The following PLPP4 variants were observed in gnomAD, a reference collection of about 807,000 sequenced individuals.
PLPP4 encodes the protein diacylglycerol pyrophosphate like 2.
PLPP4 carries 20 observed loss-of-function variants against 32.2 expected under a neutral mutation model. That is an observed-to-expected ratio of 0.62 (90% CI 0.44 to 0.90). The LOEUF (loss-of-function observed/expected upper bound fraction) is 0.90, where lower values mean the gene tolerates loss of function less well. Among genes scored for constraint, PLPP4 ranks in the 40% least tolerant of loss-of-function variants. The probability of loss-of-function intolerance (pLI) is 0.00; values close to 1 mark genes in which losing one functional copy is unlikely to be tolerated. For missense variants in PLPP4, 257 were observed against 353.1 expected, an observed-to-expected ratio of 0.73 and a Z score of 2.18; for synonymous variants, 127 against 133.0, an observed-to-expected ratio of 0.95 and a Z score of 0.31.
chr10:120,514,243 T>C (rs980123853), intron 3 of PLPP4, among the ~76,000 whole-genome samples: 16 of 152,228 alleles, frequency 1.1e-4, no homozygotes, highest in Non-Finnish European at 2.1e-4. Flanking sequence ...CGTAACACCC[T>C]GTACACACCA....
intron 5 of PLPP4, among the ~76,000 whole-genome samples, chr10:120,574,168 A>ACACACACTCTCT (rs1849090021): frequency 6.4e-5 from 3 of 47,118 alleles, no homozygotes; most frequent in African/African-American, 1.7e-4. Flanking sequence ...ACACACACAC[A>ACACACACTCTCT]CTCTCTCTCT....
intron 5 of PLPP4, among the ~76,000 whole-genome samples, chr10:120,558,774 T>TA (rs1430396587): frequency 2.0e-5 from 3 of 151,188 alleles, no homozygotes; most frequent in Admixed American, 6.6e-5. Context: ...TACCTCAATT[T>TA]AAAAAAAATC....
At chr10:120,495,033 G>T (rs1455254522) in intron 1 of PLPP4, among the ~76,000 whole-genome samples, 1 of 152,160 alleles carries the variant, frequency 6.6e-6, no homozygotes, top group African/African-American at 2.4e-5. Flanking sequence ...TGGCTGTGTT[G>T]CTTGACTTCC....
At chr10:120,545,414 G>A (rs1378266752) in intron 5 of PLPP4, among the ~76,000 whole-genome samples, 1 of 152,162 alleles carries the variant, frequency 6.6e-6, no homozygotes, top group Non-Finnish European at 1.5e-5. Flanking sequence ...CTTTACTCAT[G>A]GACATTCTTT....
At chr10:120,561,729 T>C (rs1315893636) in intron 5 of PLPP4, among the ~76,000 whole-genome samples, 1 of 152,180 alleles carries the variant, frequency 6.6e-6, no homozygotes, top group Non-Finnish European at 1.5e-5. Flanking sequence ...ACTATCTCAA[T>C]ATGTTCTTCC....
At chr10:120,538,346 A>G (rs1452086807) in intron 5 of PLPP4, among the ~76,000 whole-genome samples, 1 of 151,706 alleles carries the variant, frequency 6.6e-6, no homozygotes, top group Admixed American at 6.6e-5. Flanking sequence ...AATGAAACAG[A>G]TCATTCTATA....
At chr10:120,518,259 C>G (rs1846012431) in intron 3 of PLPP4, among the ~76,000 whole-genome samples, 1 of 152,100 alleles carries the variant, frequency 6.6e-6, no homozygotes, top group Non-Finnish European at 1.5e-5. Context: ...AAAGCACCGC[C>G]CGGGCAGACC....
At chr10:120,581,087 C>T in intron 6 of PLPP4, 1 of 1,260,388 alleles carries the variant, frequency 7.9e-7, no homozygotes, top group Non-Finnish European at 1.0e-6. Context: ...ACTGCATATC[C>T]TGCTTTCAGC....
chr10:120,497,758 C>T (rs1001821610), intron 1 of PLPP4, among the ~76,000 whole-genome samples: 1 of 152,012 alleles, frequency 6.6e-6, no homozygotes, highest in Non-Finnish European at 1.5e-5. Context: ...GATAACTGTC[C>T]GGCCAGGGGC....
intron 1 of PLPP4, among the ~76,000 whole-genome samples, chr10:120,481,529 A>G (rs907551910): frequency 2.0e-5 from 3 of 152,148 alleles, no homozygotes; most frequent in African/African-American, 7.2e-5. Context: ...AGATAATGAT[A>G]ATGGCAACCA....
chr10:120,483,822 G>A (rs1321147970), intron 1 of PLPP4, among the ~76,000 whole-genome samples: 1 of 152,204 alleles, frequency 6.6e-6, no homozygotes, highest in Non-Finnish European at 1.5e-5. Flanking sequence ...CTCTGCACGT[G>A]GAGCTCCCCG....
At chr10:120,467,029 C>T (rs1848355762) in intron 1 of PLPP4, among the ~76,000 whole-genome samples, 1 of 152,032 alleles carries the variant, frequency 6.6e-6, no homozygotes, top group African/African-American at 2.4e-5. Flanking sequence ...TCCTAGGAGA[C>T]ATCTGAATCA....
chr10:120,509,755 G>A (rs1307449579), intron 2 of PLPP4, among the ~76,000 whole-genome samples: 7 of 152,222 alleles, frequency 4.6e-5, no homozygotes, highest in African/African-American at 1.7e-4. Context: ...ATTGGAAAGT[G>A]TGAGGAAAGT....
intron 5 of PLPP4, among the ~76,000 whole-genome samples, chr10:120,558,966 A>G (rs767625708): frequency 6.6e-6 from 1 of 152,140 alleles, no homozygotes; most frequent in Non-Finnish European, 1.5e-5. Context: ...TTACACTCTC[A>G]CCAGCAAGTT....
chr10:120,489,863 A>G (rs1273077660), intron 1 of PLPP4, among the ~76,000 whole-genome samples: 1 of 152,152 alleles, frequency 6.6e-6, no homozygotes, highest in Non-Finnish European at 1.5e-5. Context: ...TTGGGTCTTC[A>G]TTGGAACAGC....
intron 6 of PLPP4, among the ~76,000 whole-genome samples, chr10:120,582,175 C>T (rs1383581661): frequency 2.0e-5 from 3 of 152,162 alleles, no homozygotes; most frequent in Admixed American, 6.5e-5. Flanking sequence ...TGGCTTAGAA[C>T]AACAGAAAGA....
intron 1 of PLPP4, among the ~76,000 whole-genome samples, chr10:120,485,330 C>T (rs1844395719): frequency 6.6e-6 from 1 of 152,230 alleles, no homozygotes; most frequent in African/African-American, 2.4e-5. Flanking sequence ...ATTTGCTAAA[C>T]TCTTTTCACC....
At chr10:120,540,106 A>C (rs1481076079) in intron 5 of PLPP4, among the ~76,000 whole-genome samples, 3 of 151,990 alleles carry the variant, frequency 2.0e-5, no homozygotes, top group Non-Finnish European at 4.4e-5. Context: ...TATAAATAAG[A>C]TTCTAATTAT....
intron 5 of PLPP4, among the ~76,000 whole-genome samples, chr10:120,558,967 C>A (rs983789724): frequency 2.6e-5 from 4 of 152,172 alleles, no homozygotes; most frequent in African/African-American, 9.7e-5. Context: ...TACACTCTCA[C>A]CAGCAAGTTA....
Sources: allele counts gnomAD v4.1 joint callset (sites outside exome capture counted in the v4.1 genomes callset), GRCh38; gene constraint gnomAD v4.1.1; transcripts MANE v1.5; gene names NCBI Gene and HGNC (gene_info 2026-07-23, HGNC 2026-07-21).